FOXO3: variants seen among roughly 807,000 people sequenced by gnomAD.
FOXO3 encodes forkhead box O3.
A neutral mutation model predicts 41.9 loss-of-function variants in FOXO3; 4 were observed. The ratio of observed to expected loss-of-function variants is 0.10; its 90% CI spans 0.05 to 0.22. The LOEUF is 0.22. Among genes scored for constraint, FOXO3 ranks in the 10% least tolerant of loss-of-function variants. The pLI is 1.00. For synonymous variants in FOXO3, 318 were observed against 389.3 expected, an observed-to-expected ratio of 0.82 and a Z score of 2.16; for missense variants, 534 against 906.8, an observed-to-expected ratio of 0.59 and a Z score of 5.28.
chr6:108,669,509 T>C (rs1444892107), intron 2 of FOXO3, among the ~76,000 whole-genome samples: 1 of 152,204 alleles, frequency 6.6e-6, no homozygotes, highest in Non-Finnish European at 1.5e-5. Flanking sequence ...TATTCTGCTA[T>C]TTGTACCTAT....
At chr6:108,613,567 G>A (rs914564124) in intron 1 of FOXO3, among the ~76,000 whole-genome samples, 1 of 152,104 alleles carries the variant, frequency 6.6e-6, no homozygotes, top group Non-Finnish European at 1.5e-5. Flanking sequence ...TATATCATCT[G>A]TAGTGATTTC....
intron 1 of FOXO3, among the ~76,000 whole-genome samples, chr6:108,601,112 A>G (rs923412109): frequency 4.0e-5 from 6 of 151,328 alleles, no homozygotes; most frequent in African/African-American, 1.5e-4. Context: ...GGTTCACTCC[A>G]TTCTCCTGCC....
chr6:108,675,186 G>A lies in FOXO3; in HGVS notation c.*35-4641G>A, dbSNP rs140951385. Among the ~76,000 whole-genome samples the A allele has an allele frequency of 3.9e-5, 6 of 152,186 alleles. No individual in the cohort carries two copies. In the East Asian group the frequency reaches 7.7e-4, roughly 20 times the overall value. ...AAACTTATTTTAGCCATTAATAATCGCTAAATTTAAGCAACAGAAAAGCTG... is the reference window on the plus strand; with the variant it reads ...AAACTTATTTTAGCCATTAATAATCACTAAATTTAAGCAACAGAAAAGCTG... On this transcript the variant is annotated intron_variant, in intron 2 of 2. Coordinates refer to ENST00000406360, the MANE Select transcript of FOXO3 (RefSeq NM_001455.4).
At chr6:108,569,890 T>A (rs1463172247) in intron 1 of FOXO3, among the ~76,000 whole-genome samples, 1 of 151,582 alleles carries the variant, frequency 6.6e-6, no homozygotes, top group African/African-American at 2.4e-5. Context: ...AACAGAGATG[T>A]GTTTGGCAGT....
At chr6:108,655,920 G>A (rs1027216815) in intron 1 of FOXO3, among the ~76,000 whole-genome samples, 12 of 152,178 alleles carry the variant, frequency 7.9e-5, no homozygotes, top group Non-Finnish European at 7.3e-5. Context: ...AAGTCAAGCA[G>A]TGAGACCCAC....
At chr6:108,642,344 A>G (rs1935954) in intron 1 of FOXO3, among the ~76,000 whole-genome samples, 149,722 of 152,196 alleles carry the variant, frequency 0.98, 73,705 homozygotes, top group East Asian at 1. Context: ...TCTATCCTTG[A>G]CCTCCCAGAG....
chr6:108,640,119 TA>T (rs1424822561), intron 1 of FOXO3, among the ~76,000 whole-genome samples: 1 of 152,144 alleles, frequency 6.6e-6, no homozygotes, highest in East Asian at 1.9e-4. Context: ...CTGCAGGTAG[TA>T]GGTTTCACAT....
At chr6:108,562,363 G>A (rs1166234081) in intron 1 of FOXO3, among the ~76,000 whole-genome samples, 1 of 152,084 alleles carries the variant, frequency 6.6e-6, no homozygotes, top group Admixed American at 6.5e-5. Context: ...ACACCTACAG[G>A]CACATCGATC....
chr6:108,622,279 A>G (rs1200073711), intron 1 of FOXO3, among the ~76,000 whole-genome samples: 1 of 150,436 alleles, frequency 6.6e-6, no homozygotes, highest in Non-Finnish European at 1.5e-5. Context: ...AAAAAAAAAA[A>G]AGGCAGGGAT....
At chr6:108,654,703 C>G (rs1778637457) in intron 1 of FOXO3, among the ~76,000 whole-genome samples, 2 of 150,988 alleles carry the variant, frequency 1.3e-5, no homozygotes, top group African/African-American at 4.9e-5. Flanking sequence ...ATTATTCAGC[C>G]AAGTTCCCAA....
chr6:108,640,699 G>A lies in FOXO3; in HGVS notation c.622-22756G>A, dbSNP rs561685021. Among the ~76,000 whole-genome samples, 9 of 152,108 alleles carry A rather than the reference G, an allele frequency of 5.9e-5. No homozygotes were observed. The South Asian group carries it at 1.9e-3, about 32-fold the overall frequency. ...GTACAATTAATAGATAGAAAATTTG[G>A]GTGATTAATCATACAGCTTATTATA... On this transcript the variant is annotated intron_variant, in intron 1 of 2. Coordinates refer to ENST00000406360, the MANE Select transcript of FOXO3 (RefSeq NM_001455.4).
intron 1 of FOXO3, among the ~76,000 whole-genome samples, chr6:108,617,660 G>A (rs186586661): frequency 6.6e-6 from 1 of 152,264 alleles, no homozygotes; most frequent in African/African-American, 2.4e-5. Context: ...TGTTAAAACA[G>A]AGCAAAATAA....
intron 1 of FOXO3, among the ~76,000 whole-genome samples, chr6:108,592,648 GTGGGAAGAGGC>G (rs1263512676): frequency 6.6e-6 from 1 of 152,206 alleles, no homozygotes; most frequent in African/African-American, 2.4e-5. Flanking sequence ...TTGAGTGTGT[GTGGGAAGAGGC>G]TGGGTGTTCC....
chr6:108,618,178 A>G (rs970289889), intron 1 of FOXO3: 10 of 996,624 alleles, frequency 1.0e-5, no homozygotes, highest in Non-Finnish European at 1.4e-5. Context: ...TAAGTGGTGT[A>G]TGCCTCTTAA....
In FOXO3 at chr6:108,646,130, C is replaced by T. The variant is rs905973670; in HGVS notation, c.622-17325C>T. 9.2e-5 allele frequency among the ~76,000 whole-genome samples: 14 copies of T among 152,190 alleles called. No homozygotes were observed. In the East Asian group the frequency reaches 2.5e-3, roughly 27 times the overall value. On this transcript the variant is annotated intron_variant, in intron 1 of 2. Transcript: ENST00000406360. ...CCTCAGGGTCTCCTCATGGTCCATC[C>T]GAATGGAGGCCAAAAGGAGGAAAAA...
At chr6:108,589,762 T>G (rs1359400407) in intron 1 of FOXO3, among the ~76,000 whole-genome samples, 1 of 152,244 alleles carries the variant, frequency 6.6e-6, no homozygotes, top group Non-Finnish European at 1.5e-5. Context: ...TTTAGGGGAC[T>G]TTTGGATTAC....
chr6:108,664,936 G>A (rs1779005079), intron 2 of FOXO3, 47 bp downstream of exon 2: 1 of 1,532,364 alleles, frequency 6.5e-7, no homozygotes, highest in African/African-American at 1.4e-5. Flanking sequence ...TGGGGATGAG[G>A]GGGGATCTCT....
intron 1 of FOXO3, among the ~76,000 whole-genome samples, chr6:108,572,362 T>C (rs1244034440): frequency 6.6e-6 from 1 of 152,224 alleles, no homozygotes; most frequent in Non-Finnish European, 1.5e-5. Context: ...TCCAAATCTC[T>C]CTGGAGTCCC....
chr6:108,622,946 A>G (rs1717593687), intron 1 of FOXO3, among the ~76,000 whole-genome samples: 1 of 151,950 alleles, frequency 6.6e-6, no homozygotes, highest in South Asian at 2.1e-4. Flanking sequence ...AAAAAAAAAA[A>G]AAAGCTGGAA....
Sources: gnomAD v4.1 joint callset for allele counts (sites outside exome capture counted in the v4.1 genomes callset) on GRCh38, gnomAD v4.1.1 for gene constraint, MANE v1.5 for transcripts, NCBI Gene and HGNC (gene_info 2026-07-23, HGNC 2026-07-21) for gene names.